Variants in OPCML observed in about 807,000 individuals in gnomAD.
OPCML encodes the protein opioid-binding protein/cell adhesion molecule.
A neutral mutation model predicts 37.8 loss-of-function variants in OPCML; 13 were observed. The ratio of observed to expected loss-of-function variants is 0.34; its 90% CI spans 0.22 to 0.55. The LOEUF (loss-of-function observed/expected upper bound fraction) is 0.55. OPCML is among the 20% of genes least tolerant of loss of function. The probability of loss-of-function intolerance (pLI) is 0.91; values close to 1 mark genes in which losing one functional copy is unlikely to be tolerated. For synonymous variants in OPCML, 176 were observed against 168.8 expected (o/e 1.04, Z -0.33); for missense variants, 341 against 435.6 (o/e 0.78, Z 1.93).
chr11:132,459,550 TAGAGAGAGAGAAAG>T (rs1386541713), intron 4 of OPCML, among the ~76,000 whole-genome samples: 4 of 148,578 alleles, frequency 2.7e-5, no homozygotes, highest in Non-Finnish European at 4.5e-5. Flanking sequence ...TATATATAGA[TAGAGAGAGAGAAAG>T]AGAGAGAGAG....
At chr11:132,497,077 T>A (rs1352031904) in intron 4 of OPCML, among the ~76,000 whole-genome samples, 2 of 152,126 alleles carry the variant, frequency 1.3e-5, no homozygotes, top group African/African-American at 4.8e-5. Context: ...AGGAATAAGA[T>A]CATGTATTTT....
intron 2 of OPCML, among the ~76,000 whole-genome samples, chr11:132,827,916 C>T (rs548489992): frequency 1.3e-5 from 2 of 152,162 alleles, no homozygotes; most frequent in South Asian, 4.2e-4. Context: ...CAGGTGTGAG[C>T]CACCGCGCCT....
At chr11:133,116,631 T>G (rs965611334) in intron 1 of OPCML, among the ~76,000 whole-genome samples, 1 of 152,162 alleles carries the variant, frequency 6.6e-6, no homozygotes, top group African/African-American at 2.4e-5. Flanking sequence ...TCCTGTAATC[T>G]TCTCAGAGTA....
At chr11:132,613,126 T>A (rs1291753712) in intron 3 of OPCML, among the ~76,000 whole-genome samples, 1 of 152,218 alleles carries the variant, frequency 6.6e-6, no homozygotes, top group Non-Finnish European at 1.5e-5. Flanking sequence ...GATGAGCTGC[T>A]GGCGGGGATG....
intron 2 of OPCML, among the ~76,000 whole-genome samples, chr11:132,819,184 A>T (rs1939824055): frequency 3.3e-5 from 5 of 152,058 alleles, no homozygotes; most frequent in African/African-American, 1.2e-4. Context: ...TAATATCTGT[A>T]GCTTTATGAT....
At chr11:132,992,929 G>T (rs774896900) in intron 1 of OPCML, among the ~76,000 whole-genome samples, 3 of 152,088 alleles carry the variant, frequency 2.0e-5, no homozygotes, top group African/African-American at 7.2e-5. Flanking sequence ...TGGTGAATTC[G>T]ATTAATCACA....
At chr11:133,236,502 C>T (rs1430158867) in intron 1 of OPCML, among the ~76,000 whole-genome samples, 1 of 145,960 alleles carries the variant, frequency 6.9e-6, no homozygotes, top group African/African-American at 2.4e-5. Context: ...GTAGAGGTTC[C>T]TTTTCAAAGA....
At chr11:132,993,186 A>G (rs1011983805) in intron 1 of OPCML, among the ~76,000 whole-genome samples, 20 of 152,180 alleles carry the variant, frequency 1.3e-4, no homozygotes, top group Non-Finnish European at 1.8e-4. Flanking sequence ...GTGCATGTCT[A>G]TGTACGTAGG....
chr11:133,309,721 T>C (rs73600500), intron 1 of OPCML, among the ~76,000 whole-genome samples: 7,399 of 152,322 alleles, frequency 0.049, 205 homozygotes, highest in Middle Eastern at 0.071. Flanking sequence ...GTATGGGACC[T>C]CTGAATGTTC....
intron 1 of OPCML, among the ~76,000 whole-genome samples, chr11:132,962,195 C>G (rs1277935108): frequency 6.6e-6 from 1 of 152,210 alleles, no homozygotes; most frequent in African/African-American, 2.4e-5. Flanking sequence ...ATGCTTGTAA[C>G]ACTGTACAAC....
chr11:132,611,264 A>G (rs1166902151), intron 3 of OPCML, among the ~76,000 whole-genome samples: 2 of 152,202 alleles, frequency 1.3e-5, no homozygotes, highest in Non-Finnish European at 2.9e-5. Context: ...GAAATGAATA[A>G]GGAGAAATCT....
At chr11:133,016,643 G>A (rs1216465342) in intron 1 of OPCML, among the ~76,000 whole-genome samples, 1 of 152,294 alleles carries the variant, frequency 6.6e-6, no homozygotes, top group South Asian at 2.1e-4. Context: ...GGTACCTGGA[G>A]TTAGGACGGG....
At chr11:133,132,815 T>G (rs1275859996) in intron 1 of OPCML, among the ~76,000 whole-genome samples, 3 of 150,046 alleles carry the variant, frequency 2.0e-5, no homozygotes, top group African/African-American at 7.4e-5. Flanking sequence ...TCATCCACTG[T>G]GATAGAAGCG....
At chr11:132,862,213 T>C (rs1471032511) in intron 2 of OPCML, among the ~76,000 whole-genome samples, 1 of 152,170 alleles carries the variant, frequency 6.6e-6, no homozygotes. Flanking sequence ...TTATTACTTT[T>C]AATAATTAGT....
chr11:132,694,253 C>A (rs1185991268), intron 2 of OPCML, among the ~76,000 whole-genome samples: 1 of 120,204 alleles, frequency 8.3e-6, no homozygotes, highest in African/African-American at 3.2e-5. Context: ...GGCTGGAGTG[C>A]AGTGGCGCGA....
At chr11:133,467,297 A>C (rs1262590139) in intron 1 of OPCML, among the ~76,000 whole-genome samples, 1 of 152,146 alleles carries the variant, frequency 6.6e-6, no homozygotes, top group African/African-American at 2.4e-5. Flanking sequence ...TATGGATGGA[A>C]GTTGTCATGG....
At chr11:132,508,102 A>G (rs2096261305) in intron 4 of OPCML, among the ~76,000 whole-genome samples, 1 of 152,200 alleles carries the variant, frequency 6.6e-6, no homozygotes, top group Non-Finnish European at 1.5e-5. Flanking sequence ...TTACAATAAT[A>G]AAAATGGCAA....
rs543191625 is a variant in OPCML at position 133,483,037 on chromosome 11, T to C, written c.61+49227A>G. Reference sequence around the variant, plus strand: ...ACTGATATGGCTAGTATTTAGAATATACAAAGAATGCATATAAGGAAAAAG... The same window carrying C: ...ACTGATATGGCTAGTATTTAGAATACACAAAGAATGCATATAAGGAAAAAG... On this transcript the variant is annotated intron_variant, in intron 1 of 7. Coordinates refer to ENST00000524381, the MANE Select transcript of OPCML (RefSeq NM_001012393.5). Among the ~76,000 whole-genome samples the C allele has an allele frequency of 1.5e-4, 23 of 152,188 alleles. 1 individual carries two copies. The South Asian group carries it at 4.8e-3, about 32-fold the overall frequency.
intron 2 of OPCML, among the ~76,000 whole-genome samples, chr11:132,700,451 T>G (rs1943761840): frequency 1.3e-5 from 2 of 152,294 alleles, no homozygotes; most frequent in South Asian, 4.1e-4. Context: ...AAGCTGTTTT[T>G]GCTGCATCCC....
Sources: gnomAD v4.1 joint callset for allele counts (sites outside exome capture counted in the v4.1 genomes callset) on GRCh38, gnomAD v4.1.1 for gene constraint, MANE v1.5 for transcripts, NCBI Gene and HGNC (gene_info 2026-07-23, HGNC 2026-07-21) for gene names.